CNBD1: variants seen among roughly 807,000 people sequenced by gnomAD.
The protein encoded by CNBD1 is cyclic nucleotide-binding domain-containing protein 1.
In CNBD1, 71 loss-of-function variants were observed where a neutral mutation model predicts 54.4. The ratio of observed to expected loss-of-function variants is 1.30; its 90% CI spans 1.08 to 1.59. The LOEUF (loss-of-function observed/expected upper bound fraction) is 1.59. CNBD1 is among the 40% of genes most tolerant of loss of function. The pLI, the probability that CNBD1 is intolerant of heterozygous loss-of-function variation, is 0.00. For synonymous variants in CNBD1, 182 were observed against 170.7 expected (o/e 1.07, Z -0.51); for missense variants, 659 against 518.0 (o/e 1.27, Z -2.64).
chr8:87,129,643 G>T (rs1188083629), intron 4 of CNBD1, among the ~76,000 whole-genome samples: 3 of 151,910 alleles, frequency 2.0e-5, no homozygotes, highest in Non-Finnish European at 4.4e-5. Flanking sequence ...TAGGTCATTG[G>T]ATTTAGACTT....
chr8:87,238,602 T>C (rs1291955318), intron 6 of CNBD1, among the ~76,000 whole-genome samples: 1 of 152,134 alleles, frequency 6.6e-6, no homozygotes. Context: ...TTGAGACTGC[T>C]ATAGCAGAGC....
At chr8:86,984,504 C>T (rs999961796) in intron 4 of CNBD1, among the ~76,000 whole-genome samples, 1 of 152,170 alleles carries the variant, frequency 6.6e-6, no homozygotes, top group African/African-American at 2.4e-5. Context: ...GCTGCAGACA[C>T]TCAATGCCAG....
intron 6 of CNBD1, among the ~76,000 whole-genome samples, chr8:87,284,114 T>C (rs1808648357): frequency 6.6e-6 from 1 of 152,064 alleles, no homozygotes; most frequent in Non-Finnish European, 1.5e-5. Context: ...CACTTTTTCC[T>C]GAGTAAATAT....
In CNBD1 at chr8:86,935,631, T is replaced by A. The variant is rs150607589; in HGVS notation, c.273-3965T>A. On this transcript the variant is annotated intron_variant, in intron 3 of 10. Coordinates refer to ENST00000518476, the MANE Select transcript of CNBD1 (RefSeq NM_173538.3). ...ATGTAATTTATGTCTGCCTTTTCTGTTTTTGTTCTCAAAAATTTTTTGCCA... is the reference window on the plus strand; with the variant it reads ...ATGTAATTTATGTCTGCCTTTTCTGATTTTGTTCTCAAAAATTTTTTGCCA... Among the ~76,000 whole-genome samples, 457 of 152,262 alleles carry A rather than the reference T, an allele frequency of 3.0e-3. 6 individuals are homozygous for A. Among genetic ancestry groups the A allele is most frequent in the African/African-American group, 0.011 (439 of 41,580 alleles).
At chr8:87,307,636 G>T (rs2336992) in intron 8 of CNBD1, among the ~76,000 whole-genome samples, 25,885 of 151,736 alleles carry the variant, frequency 0.17, 3,212 homozygotes, top group African/African-American at 0.36. Context: ...TACTTGGGAG[G>T]CTGAGGCAGG....
intron 8 of CNBD1, among the ~76,000 whole-genome samples, chr8:87,334,505 G>T (rs1223261603): frequency 6.6e-6 from 1 of 151,944 alleles, no homozygotes; most frequent in Non-Finnish European, 1.5e-5. Context: ...GGTTTCCGAT[G>T]TGGGCATTTA....
At chr8:86,962,462 A>G (rs998251183) in intron 4 of CNBD1, among the ~76,000 whole-genome samples, 3 of 152,112 alleles carry the variant, frequency 2.0e-5, no homozygotes, top group Non-Finnish European at 4.4e-5. Context: ...AGTGATTTTT[A>G]TCCTTCCTGC....
chr8:87,388,836 G>T (rs112485392), intron 2 of CNBD1, among the ~76,000 whole-genome samples: 1 of 152,016 alleles, frequency 6.6e-6, no homozygotes, highest in Non-Finnish European at 1.5e-5. Context: ...GATTAACATC[G>T]ATGCAAAATC....
At chr8:87,203,808 A>G (rs1813912928) in intron 4 of CNBD1, among the ~76,000 whole-genome samples, 1 of 152,184 alleles carries the variant, frequency 6.6e-6, no homozygotes, top group Non-Finnish European at 1.5e-5. Flanking sequence ...CCCTTACACG[A>G]TACACAATAG....
At chr8:87,190,516 G>A (rs192600507) in intron 4 of CNBD1, among the ~76,000 whole-genome samples, 13 of 151,944 alleles carry the variant, frequency 8.6e-5, no homozygotes, top group Admixed American at 7.2e-4. Flanking sequence ...CTTTCGCTCC[G>A]AGTTCAATGT....
In CNBD1 at chr8:87,143,391, G is replaced by T. The variant is rs191709061; in HGVS notation, c.432-62602G>T. ...AAGGGCACCTACATCAACACATTTA[G>T]TTCACTCAAGTCCCCTCAAACTCAA... is the stretch of plus-strand genomic sequence containing the variant. On this transcript the variant is annotated intron_variant, in intron 4 of 10. Transcript: ENST00000518476. Among the ~76,000 whole-genome samples, 45 of 152,234 alleles carry T rather than the reference G, an allele frequency of 3.0e-4. No individual in the cohort carries two copies. The East Asian group carries it at 7.9e-3, about 27-fold the overall frequency.
chr8:87,424,549 G>T (rs994153146), intron 2 of CNBD1, among the ~76,000 whole-genome samples: 1 of 152,138 alleles, frequency 6.6e-6, no homozygotes, highest in Non-Finnish European at 1.5e-5. Context: ...TAGTCATTCA[G>T]GAGCAGGTTG....
chr8:87,334,775 G>A (rs1318132987), intron 8 of CNBD1, among the ~76,000 whole-genome samples: 2 of 148,132 alleles, frequency 1.4e-5, no homozygotes, highest in East Asian at 2.0e-4. Flanking sequence ...CCATAGTGCA[G>A]TGCAGTGGCG....
chr8:86,961,880 G>A lies in CNBD1; in HGVS notation c.431+22126G>A, dbSNP rs79311884. On this transcript the variant is annotated intron_variant, in intron 4 of 10. Transcript: ENST00000518476. ...TATAAACATCATACACATAACACAT[G>A]TGTAACTACACAGACTGAAGGAGAT... Among the ~76,000 whole-genome samples the A allele has an allele frequency of 7.8e-3, 1,184 of 152,148 alleles. 14 individuals carry two copies. The highest frequency in any genetic ancestry group is 0.027 in the African/African-American group (1,137 of 41,524).
chr8:87,178,786 C>A (rs1813251662), intron 4 of CNBD1, among the ~76,000 whole-genome samples: 1 of 152,208 alleles, frequency 6.6e-6, no homozygotes, highest in Non-Finnish European at 1.5e-5. Context: ...CCAGAATACA[C>A]AGGGCTTTCA....
rs1002777541 is a variant in CNBD1 at position 87,231,994 on chromosome 8, T to G, written c.578-4925T>G. On this transcript the variant is annotated intron_variant, in intron 5 of 10. Transcript: ENST00000518476. Reference sequence around the variant, plus strand: ...ATTCTCACTATGAATTGAATTCACATGAATCATTTAAAACTTTGTAATGAA... The same window carrying G: ...ATTCTCACTATGAATTGAATTCACAGGAATCATTTAAAACTTTGTAATGAA... Among the ~76,000 whole-genome samples the G allele has an allele frequency of 8.5e-5, 13 of 152,308 alleles. No homozygotes were observed. In the East Asian group the frequency reaches 9.6e-4, roughly 11 times the overall value.
intron 4 of CNBD1, among the ~76,000 whole-genome samples, chr8:87,112,885 G>C (rs1167160573): frequency 6.6e-6 from 1 of 152,150 alleles, no homozygotes; most frequent in Non-Finnish European, 1.5e-5. Flanking sequence ...CCTAGCAGGG[G>C]GGCTTGATGA....
At chr8:86,998,006 C>T (rs1232694407) in intron 4 of CNBD1, among the ~76,000 whole-genome samples, 1 of 152,088 alleles carries the variant, frequency 6.6e-6, no homozygotes, top group Non-Finnish European at 1.5e-5. Context: ...GGATTCCTTT[C>T]TTACATGCCC....
At chr8:87,257,368 G>A (rs1270640925) in intron 6 of CNBD1, among the ~76,000 whole-genome samples, 10 of 63,656 alleles carry the variant, frequency 1.6e-4, no homozygotes, top group East Asian at 3.2e-4. Flanking sequence ...AAACTCTATC[G>A]CAAAAAAAAA....
Sources: allele counts gnomAD v4.1 joint callset (sites outside exome capture counted in the v4.1 genomes callset), GRCh38; gene constraint gnomAD v4.1.1; transcripts MANE v1.5; gene names NCBI Gene and HGNC (gene_info 2026-07-23, HGNC 2026-07-21).